The following LUC7L2 variants were observed in gnomAD, a reference collection of about 807,000 sequenced individuals.
LUC7L2 encodes putative RNA-binding protein Luc7-like 2.
A neutral mutation model predicts 52.8 loss-of-function variants in LUC7L2; 25 were observed. That is an observed-to-expected ratio of 0.47 (90% CI 0.34 to 0.66). The LOEUF is 0.66. Among genes scored for constraint, LUC7L2 ranks in the 30% least tolerant of loss-of-function variants. The pLI is 0.01. For synonymous variants in LUC7L2, 144 were observed against 160.9 expected (o/e 0.89, Z 0.80); for missense variants, 328 against 497.8 (o/e 0.66, Z 3.25).
intron 7 of LUC7L2, among the ~76,000 whole-genome samples, chr7:139,409,897 C>T (rs1374724031): frequency 1.3e-5 from 2 of 152,114 alleles, no homozygotes; most frequent in Non-Finnish European, 2.9e-5. Context: ...AAGAATGCTT[C>T]GTATCTTGTA....
At chr7:139,341,383 C>T (rs141486673) in intron 1 of LUC7L2, 85 of 1,612,204 alleles carry the variant, frequency 5.3e-5, no homozygotes, top group Non-Finnish European at 6.4e-5. Flanking sequence ...AAGGACAGGA[C>T]AATGGCGGCC....
chr7:139,408,590 T>C (rs1018200379), intron 6 of LUC7L2, among the ~76,000 whole-genome samples: 1 of 152,200 alleles, frequency 6.6e-6, no homozygotes. Context: ...ACGCCTGTAA[T>C]CCTAGCACTT....
chr7:139,374,121 A>G (rs1444484927), intron 1 of LUC7L2, among the ~76,000 whole-genome samples: 1 of 152,220 alleles, frequency 6.6e-6, no homozygotes. Flanking sequence ...GATGAAACAT[A>G]CTTTTTAAAG....
At position 139,396,812 on chromosome 7, in the gene LUC7L2, A is replaced by T. The variant is rs370992021; in HGVS notation, c.157-1787A>T. 2.0e-5 allele frequency among the ~76,000 whole-genome samples: 3 copies of T among 152,236 alleles called. No individual in the cohort carries two copies. In the East Asian group the frequency reaches 5.8e-4, roughly 29 times the overall value. On this transcript the variant is annotated intron_variant, in intron 2 of 9. Transcript: ENST00000354926. ...TTTTTCTCAGTTGTGCCATGCTGTA[A>T]CTGTTACTCTTGACTACTTACATTT...
chr7:139,412,571 A>G lies in LUC7L2; in HGVS notation c.800A>G (p.Asn267Ser). ...KLRRSRSHSK[N>S]PKRSRSREHR... ...TTTAGGTCCCGATCACACAGCAAGA[A>G]TCCAAAAAGGTAGGTGTATTACATA... Residue 267 changes from asparagine (N) to serine (S), a missense_variant, in exon 8 of 10, where the codon AAT (asparagine) becomes AGT (serine). This residue lies in a region of LUC7L2 where 195 missense variants were observed against 223.3 expected (regional missense o/e 0.87). Transcript: ENST00000354926. The G allele has an allele frequency of 6.2e-7, 1 of 1,606,120 alleles. No homozygotes were observed. The highest frequency in any genetic ancestry group is 8.5e-7 in the Non-Finnish European group (1 of 1,177,500).
intron 9 of LUC7L2, among the ~76,000 whole-genome samples, chr7:139,420,209 ATTT>A (rs369504812): frequency 2.0e-5 from 3 of 148,882 alleles, no homozygotes; most frequent in African/African-American, 7.4e-5. Context: ...TAAGTAATTT[ATTT>A]TTTTTTTTGA....
intron 2 of LUC7L2, among the ~76,000 whole-genome samples, chr7:139,377,717 C>T (rs978626891): frequency 9.9e-5 from 15 of 151,410 alleles, no homozygotes; most frequent in African/African-American, 3.2e-4. Flanking sequence ...TTAGTAGAGA[C>T]GGGGTTTCAC....
intron 1 of LUC7L2, chr7:139,374,525 T>G: frequency 6.5e-7 from 1 of 1,548,804 alleles, no homozygotes; most frequent in Non-Finnish European, 8.7e-7. Flanking sequence ...CAAAAGCAGT[T>G]GTGTTTAAAA....
At chr7:139,419,807 C>T (rs1795804047) in intron 9 of LUC7L2, among the ~76,000 whole-genome samples, 1 of 152,180 alleles carries the variant, frequency 6.6e-6, no homozygotes, top group Non-Finnish European at 1.5e-5. Context: ...TTTTGTAAAA[C>T]TATTAAAAGT....
At chr7:139,411,630 A>G (rs1286462743) in intron 7 of LUC7L2, among the ~76,000 whole-genome samples, 2 of 152,222 alleles carry the variant, frequency 1.3e-5, no homozygotes, top group African/African-American at 4.8e-5. Context: ...CATCCAAAAA[A>G]AAATAATAAT....
chr7:139,419,745 A>G (rs1017048394), intron 9 of LUC7L2, among the ~76,000 whole-genome samples: 2 of 152,226 alleles, frequency 1.3e-5, no homozygotes, highest in Non-Finnish European at 2.9e-5. Context: ...TTTCCACCAT[A>G]CATGATACAT....
intron 8 of LUC7L2, chr7:139,416,346 TTTC>T (rs1349987111): frequency 9.2e-5 from 14 of 151,982 alleles, no homozygotes; most frequent in Non-Finnish European, 4.4e-5. Flanking sequence ...TGTGGGTTTT[TTTC>T]TTTTCAAAAA....
chr7:139,387,770 G>A (rs1290352441), intron 2 of LUC7L2, among the ~76,000 whole-genome samples: 1 of 151,476 alleles, frequency 6.6e-6, no homozygotes, highest in Non-Finnish European at 1.5e-5. Context: ...CTTTTTTTTG[G>A]AGACAGAATC....
At chr7:139,421,489 G>A (rs1353809492) in intron 9 of LUC7L2, among the ~76,000 whole-genome samples, 2 of 152,208 alleles carry the variant, frequency 1.3e-5, no homozygotes, top group African/African-American at 4.8e-5. Flanking sequence ...GTAGTAAACA[G>A]TTATGGCTAA....
At chr7:139,346,554 A>G (rs1799277824) in intron 1 of LUC7L2, among the ~76,000 whole-genome samples, 1 of 152,234 alleles carries the variant, frequency 6.6e-6, no homozygotes, top group Non-Finnish European at 1.5e-5. Flanking sequence ...TAAGGTTGAG[A>G]TGGTGAAGCT....
chr7:139,357,941 C>T (rs947184682), upstream of LUC7L2, among the ~76,000 whole-genome samples: 1 of 152,048 alleles, frequency 6.6e-6, no homozygotes, highest in African/African-American at 2.4e-5. Context: ...TCGCCCGCCT[C>T]GGCCTCCCAA....
intron 1 of LUC7L2, among the ~76,000 whole-genome samples, chr7:139,362,214 T>C (rs1053902307): frequency 6.6e-6 from 1 of 152,120 alleles, no homozygotes; most frequent in Admixed American, 6.5e-5. Flanking sequence ...CTGTATTGGG[T>C]TAGAAGTAAA....
chr7:139,351,891 C>T (rs1799468471), intron 1 of LUC7L2, among the ~76,000 whole-genome samples: 1 of 152,180 alleles, frequency 6.6e-6, no homozygotes, highest in Non-Finnish European at 1.5e-5. Flanking sequence ...GCCTTAGCTA[C>T]CCTTACCTTT....
At chr7:139,412,440 G>T in intron 7 of LUC7L2, 111 bp from the exon 8 acceptor site, 2 of 1,341,358 alleles carry the variant, frequency 1.5e-6, no homozygotes, top group Non-Finnish European at 2.0e-6. Context: ...TACACGCCTT[G>T]TATTTATAAA....
Sources: allele counts gnomAD v4.1 joint callset (sites outside exome capture counted in the v4.1 genomes callset), GRCh38; gene constraint gnomAD v4.1.1; regional missense constraint gnomAD v4.1.1; transcripts MANE v1.5; gene names NCBI Gene and HGNC (gene_info 2026-07-23, HGNC 2026-07-21).